KIF26A: variants seen among roughly 807,000 people sequenced by gnomAD.
The protein encoded by KIF26A is kinesin-like protein KIF26A.
A neutral mutation model predicts 126.0 loss-of-function variants in KIF26A; 74 were observed. That is an observed-to-expected ratio of 0.59 (90% CI 0.49 to 0.71). The LOEUF (loss-of-function observed/expected upper bound fraction) is 0.71. Among genes scored for constraint, KIF26A ranks in the 30% least tolerant of loss-of-function variants. KIF26A has a pLI of 0.00. For synonymous variants in KIF26A, 1,445 were observed against 1,232.7 expected, an observed-to-expected ratio of 1.17 and a Z score of -3.61; for missense variants, 2,984 against 2,763.3, an observed-to-expected ratio of 1.08 and a Z score of -1.79.
Position 104,148,916 on chromosome 14 carries a change from T to A in KIF26A, c.289-3099T>A, listed in dbSNP as rs10147444. 0.043 allele frequency among the ~76,000 whole-genome samples: 6,560 copies of A among 152,226 alleles called. 325 individuals carry two copies. Among genetic ancestry groups the A allele is most frequent in the African/African-American group, 0.12 (4,880 of 41,514 alleles). On this transcript the variant is annotated intron_variant, in intron 2 of 14. Coordinates refer to ENST00000423312, the MANE Select transcript of KIF26A (RefSeq NM_015656.2). This position sits in a 1 kb window ranked among gnomAD's most constrained non-coding sequence, Gnocchi z 4.3. Reference sequence around the variant, plus strand: ...TGCCGAGTTCTCCTCTTGTCTTAGCTGGACAGTGTGCTGGGCCCCAGGCTG... The same window carrying A: ...TGCCGAGTTCTCCTCTTGTCTTAGCAGGACAGTGTGCTGGGCCCCAGGCTG...
At position 104,177,741 on chromosome 14, in the gene KIF26A, C is replaced by T. The variant is rs774847126; in HGVS notation, c.4953C>T (p.Phe1651=). ...LPPAMGRTAL[F]HHSGGSSGYE... is the part of the protein sequence containing the mutation. The stretch of plus-strand genomic sequence containing the variant: ...CCGCCATGGGCCGCACCGCCCTTTT[C>T]CACCACAGCGGTGGCAGCAGTGGCT... The change falls in exon 12 of 15, where the codon TTC becomes TTT. Residue 1651 remains phenylalanine (F), a synonymous_variant. Transcript: ENST00000423312. The T allele has an allele frequency of 3.2e-6, 5 of 1,543,810 alleles. No homozygotes were observed. The highest frequency in any genetic ancestry group is 2.4e-5 in the East Asian group (1 of 41,484).
Position 104,173,867 on chromosome 14 carries a change from C to T in KIF26A, c.2029C>T (p.Arg677Trp), listed in dbSNP as rs761869443. Residue 677 changes from arginine (R) to tryptophan (W), a missense_variant and splice_region_variant, in exon 10 of 15, where the codon CGG becomes TGG. Arg to Trp is a moderately radical substitution (Grantham distance 101). Coordinates refer to ENST00000423312, the MANE Select transcript of KIF26A (RefSeq NM_015656.2). Reference sequence around the variant, plus strand: ...CAACGGAGCCAAGCATGTGCCGTATCGGTGAGTGTAGGGCCTGGGCAGGTG... The same window carrying T: ...CAACGGAGCCAAGCATGTGCCGTATTGGTGAGTGTAGGGCCTGGGCAGGTG... ...LVNGAKHVPYRDHRLTMLLRE... is the reference protein window; with the variant it reads ...LVNGAKHVPYWDHRLTMLLRE... 3.8e-5 allele frequency: 60 copies of T among 1,588,894 alleles called. No homozygotes were observed. The highest frequency in any genetic ancestry group is 5.4e-5 in the African/African-American group (4 of 74,716).
chr14:104,142,975 G>A (rs182045560), intron 2 of KIF26A, among the ~76,000 whole-genome samples: 1 of 152,206 alleles, frequency 6.6e-6, no homozygotes, highest in South Asian at 2.1e-4. Flanking sequence ...ACAAAGGATG[G>A]TTCCCTGCTT....
intron 5 of KIF26A, among the ~76,000 whole-genome samples, chr14:104,167,624 G>A (rs1397770190): frequency 6.6e-6 from 1 of 152,182 alleles, no homozygotes; most frequent in Non-Finnish European, 1.5e-5. Context: ...TGCTGGTTGT[G>A]CCATCCGAGT....
chr14:104,138,992 T>C lies in KIF26A; in HGVS notation c.43-51T>C, dbSNP rs376499507. Reference sequence around the variant, plus strand: ...GGGGCAGGGCGCGCAGGGGTCTGGATCCGACGGACGTCCCAGGCTCACTGT... The same window carrying C: ...GGGGCAGGGCGCGCAGGGGTCTGGACCCGACGGACGTCCCAGGCTCACTGT... On this transcript the variant is annotated intron_variant, in intron 1 of 14. Coordinates refer to ENST00000423312, the MANE Select transcript of KIF26A (RefSeq NM_015656.2). 4.8e-5 allele frequency: 63 copies of C among 1,322,776 alleles called. No homozygotes were observed. In the Admixed American group the frequency reaches 7.1e-4, roughly 15 times the overall value. 81.9% of individuals were successfully genotyped at this position (1,322,776 alleles called of 1,614,324 possible). A position where few individuals can be genotyped will look rare whatever the true frequency, so the allele number is the denominator to read the frequency against.
At position 104,179,869 on chromosome 14, in the gene KIF26A, G is replaced by A. The variant is rs988229477; in HGVS notation, c.*79G>A. 15 of 1,360,666 alleles carry A rather than the reference G, an allele frequency of 1.1e-5. No individual in the cohort carries two copies. The highest frequency in any genetic ancestry group is 3.0e-5 in the African/African-American group (2 of 67,712). 84.3% of individuals were successfully genotyped at this position (1,360,666 alleles called of 1,614,324 possible). A position where few individuals can be genotyped will look rare whatever the true frequency, so the allele number is the denominator to read the frequency against. ...TGGGACGGAGCGAGGATGTGGTGGG[G>A]GCTGCGGGGGGAGGATGCGGAGGGG... is the stretch of plus-strand genomic sequence containing the variant. On this transcript the variant is annotated 3_prime_UTR_variant, in exon 15 of 15. Coordinates refer to ENST00000423312, the MANE Select transcript of KIF26A (RefSeq NM_015656.2).
chr14:104,174,783 AAG>A (rs1305017079), intron 11 of KIF26A, among the ~76,000 whole-genome samples, 197 bp from the exon 12 acceptor site: 3 of 152,160 alleles, frequency 2.0e-5, no homozygotes, highest in African/African-American at 7.2e-5. Flanking sequence ...TTTCCTTGTA[AAG>A]TTGCTAAGAA....
chr14:104,175,431 A>G lies in KIF26A; in HGVS notation c.2643A>G (p.Pro881=). ...PARGGRKPSP[P]EAASPRKAVG... ...GAGGGGGCCGGAAGCCCTCGCCACC[A>G]GAGGCTGCATCCCCCAGGAAGGCCG... The change falls in exon 12 of 15, where the codon CCA becomes CCG. Residue 881 remains proline, a synonymous_variant. Transcript: ENST00000423312. 1 of 1,592,786 alleles carries G rather than the reference A, an allele frequency of 6.3e-7. No individual in the cohort carries two copies. Among genetic ancestry groups the G allele is most frequent in the Middle Eastern group, 1.7e-4 (1 of 6,044 alleles).
intron 6 of KIF26A, among the ~76,000 whole-genome samples, 200 bp from the exon 7 acceptor site, chr14:104,172,375 C>G (rs1557013): frequency 6.6e-6 from 1 of 152,238 alleles, no homozygotes; most frequent in Non-Finnish European, 1.5e-5. Context: ...TGGCCAGTCC[C>G]TCCTACGTGT....
intron 4 of KIF26A, among the ~76,000 whole-genome samples, chr14:104,166,161 C>A (rs961273160): frequency 8.1e-5 from 12 of 148,416 alleles, no homozygotes; most frequent in Non-Finnish European, 1.6e-4. Context: ...TCCCAGCAGC[C>A]CTGAGTGACG....
At position 104,177,913 on chromosome 14, in the gene KIF26A, G is replaced by GCA. The variant is rs781146166; in HGVS notation, c.5110+18_5110+19dup. On this transcript the variant is annotated intron_variant, in intron 12 of 14. Coordinates refer to ENST00000423312, the MANE Select transcript of KIF26A (RefSeq NM_015656.2). ...GAGGGCCACAGGTGGGTGCAGAGGT[G>GCA]CACAGCCCTCTACAGTTTACGGGCT... The GCA allele has an allele frequency of 6.8e-5, 102 of 1,498,408 alleles. No individual in the cohort carries two copies. Among genetic ancestry groups the GCA allele is most frequent in the Non-Finnish European group, 7.6e-5 (86 of 1,132,680 alleles). 92.8% of individuals were successfully genotyped at this position (1,498,408 alleles called of 1,614,324 possible). A position where few individuals can be genotyped will look rare whatever the true frequency, so the allele number is the denominator to read the frequency against.
chr14:104,162,981 G>A (rs576615525), intron 4 of KIF26A, among the ~76,000 whole-genome samples: 1 of 152,358 alleles, frequency 6.6e-6, no homozygotes, highest in African/African-American at 2.4e-5. Flanking sequence ...GCAGCAGGGT[G>A]GGGTAGCCCT....
Position 104,176,613 on chromosome 14 carries a change from G to A in KIF26A, c.3825G>A (p.Val1275=). ...LGSPRLPEAQ[V]MLACAQRVVD... is the part of the protein sequence containing the mutation. ...CCCCCCGGCTGCCTGAGGCCCAGGT[G>A]ATGCTAGCCTGTGCCCAGAGAGTGG... is the stretch of plus-strand genomic sequence containing the variant. Residue 1275 remains valine, a synonymous_variant, in exon 12 of 15, where the codon GTG becomes GTA. Transcript: ENST00000423312. The A allele has an allele frequency of 6.2e-7, 1 of 1,609,012 alleles. No individual in the cohort carries two copies.
At position 104,179,698 on chromosome 14, in the gene KIF26A, C is replaced by A. The variant is rs1489902532; in HGVS notation, c.5557C>A (p.Leu1853Met). The change falls in exon 15 of 15, where the codon CTG (leucine) becomes ATG (methionine). Residue 1853 changes from leucine (L) to methionine (M), a missense_variant. Physicochemically the swap from Leu to Met is conservative, Grantham distance 15 (BLOSUM62 2). Transcript: ENST00000423312. ...ATAALEQCVN[L>M]CKAHVMMVTC... is the part of the protein sequence containing the mutation. ...GGCGGCCCTGGAGCAGTGCGTGAAC[C>A]TGTGCAAGGCGCACGTCATGATGGT... 3.2e-6 allele frequency: 5 copies of A among 1,550,160 alleles called. No homozygotes were observed. The highest frequency in any genetic ancestry group is 2.6e-6 in the Non-Finnish European group (3 of 1,147,070).
At position 104,152,489 on chromosome 14, in the gene KIF26A, CT is replaced by C; in HGVS notation, c.735+29del. 6.6e-7 allele frequency: 1 copy of C among 1,514,286 alleles called. No homozygotes were observed. Among genetic ancestry groups the C allele is most frequent in the Non-Finnish European group, 8.8e-7 (1 of 1,133,816 alleles). 93.8% of individuals were successfully genotyped at this position (1,514,286 alleles called of 1,614,324 possible). On this transcript the variant is annotated intron_variant, in intron 3 of 14. Coordinates refer to ENST00000423312, the MANE Select transcript of KIF26A (RefSeq NM_015656.2). This position sits in a 1 kb window ranked among gnomAD's most constrained non-coding sequence, Gnocchi z 5.9. ...GAGTGTCTTGCTCAGCGGATGGGAG[CT>C]GCTGGCCTCCTTGTCAGAACTGGGC... is the stretch of plus-strand genomic sequence containing the variant.
rs369310022 is a variant in KIF26A, at chr14:104,179,396, G to C, written c.5467+10G>C. 6.7e-7 allele frequency: 1 copy of C among 1,494,302 alleles called. No homozygotes were observed. The highest frequency in any genetic ancestry group is 8.9e-7 in the Non-Finnish European group (1 of 1,126,496). The allele number at this position is 1,494,302 out of a possible 1,614,324, so 92.6% of individuals were successfully genotyped here. On this transcript the variant is annotated intron_variant, in intron 14 of 14. Coordinates refer to ENST00000423312, the MANE Select transcript of KIF26A (RefSeq NM_015656.2). ...CGCTGGCTGGAGCAGTGTGAGTCCCGCCCGCCCACGGACCCAGCCCGGCCC... is the reference window on the plus strand; with the variant it reads ...CGCTGGCTGGAGCAGTGTGAGTCCCCCCCGCCCACGGACCCAGCCCGGCCC...
intron 4 of KIF26A, among the ~76,000 whole-genome samples, chr14:104,159,997 T>C (rs1022983480): frequency 1.3e-5 from 2 of 152,124 alleles, no homozygotes; most frequent in Non-Finnish European, 2.9e-5. Flanking sequence ...GGGCACGTGC[T>C]GAGGGTACCT....
chr14:104,147,830 A>G (rs2037693198), intron 2 of KIF26A, among the ~76,000 whole-genome samples: 1 of 152,154 alleles, frequency 6.6e-6, no homozygotes, highest in Non-Finnish European at 1.5e-5. Context: ...CTGCCCGCAC[A>G]CGCATGCCTC....
chr14:104,146,756 G>A (rs2037683919), intron 2 of KIF26A, among the ~76,000 whole-genome samples: 2 of 152,184 alleles, frequency 1.3e-5, no homozygotes, highest in South Asian at 4.1e-4. Context: ...CCAAGGAGAC[G>A]GGGTGAGGGT....
Sources: allele counts gnomAD v4.1 joint callset (sites outside exome capture counted in the v4.1 genomes callset), GRCh38; gene constraint gnomAD v4.1.1; non-coding constraint Gnocchi (gnomAD v3.1); transcripts MANE v1.5; gene names NCBI Gene and HGNC (gene_info 2026-07-23, HGNC 2026-07-21).